The following GRM8 variants were observed in gnomAD, a reference collection of about 807,000 sequenced individuals.
GRM8 encodes the protein glutamate metabotropic receptor 8, also known as metabotropic glutamate receptor 8.
A neutral mutation model predicts 87.2 loss-of-function variants in GRM8; 47 were observed. That is an observed-to-expected ratio of 0.54 (90% CI 0.43 to 0.69). The LOEUF (loss-of-function observed/expected upper bound fraction) is 0.69. Ranked by LOEUF, GRM8 falls within the 30% of genes least tolerant of loss-of-function variation. The pLI, the probability that GRM8 is intolerant of heterozygous loss-of-function variation, is 0.00. For missense variants in GRM8, 1,019 were observed against 1,139.2 expected (o/e 0.89, Z 1.52); for synonymous variants, 396 against 404.5 (o/e 0.98, Z 0.25).
At chr7:126,772,342 T>C (rs754887349) in intron 6 of GRM8, among the ~76,000 whole-genome samples, 1 of 152,158 alleles carries the variant, frequency 6.6e-6, no homozygotes, top group African/African-American at 2.4e-5. Context: ...TGGATATCCC[T>C]GTGTTTCATT....
intron 7 of GRM8, among the ~76,000 whole-genome samples, chr7:126,646,068 G>T (rs180835312): frequency 3.0e-4 from 46 of 152,220 alleles, no homozygotes; most frequent in African/African-American, 1.1e-3. Flanking sequence ...CTGCACTCTG[G>T]TCATCATCCC....
At chr7:126,506,011 C>T (rs1203230277) in intron 9 of GRM8, among the ~76,000 whole-genome samples, 1 of 151,990 alleles carries the variant, frequency 6.6e-6, no homozygotes, top group Non-Finnish European at 1.5e-5. Context: ...CCTCCTAGCC[C>T]CTGTCAACCA....
At chr7:126,676,943 G>GA (rs1212426970) in intron 7 of GRM8, among the ~76,000 whole-genome samples, 2 of 152,122 alleles carry the variant, frequency 1.3e-5, no homozygotes, top group African/African-American at 4.8e-5. Context: ...CAAAATGCGA[G>GA]AAAATATTTG....
chr7:126,492,825 G>T (rs1808186626), intron 9 of GRM8, among the ~76,000 whole-genome samples: 1 of 151,994 alleles, frequency 6.6e-6, no homozygotes, highest in African/African-American at 2.4e-5. Context: ...TGGCAGAGGT[G>T]ATAGACAATC....
chr7:127,065,015 G>A (rs2132624660), intron 3 of GRM8, among the ~76,000 whole-genome samples: 1 of 152,242 alleles, frequency 6.6e-6, no homozygotes, highest in East Asian at 1.9e-4. Context: ...CCATTACTGG[G>A]TATACACCCA....
chr7:126,460,758 T>A (rs1803806714), intron 9 of GRM8, among the ~76,000 whole-genome samples: 1 of 151,536 alleles, frequency 6.6e-6, no homozygotes, highest in Admixed American at 6.6e-5. Context: ...ATGTACAATT[T>A]TCAATGAGAA....
intron 7 of GRM8, among the ~76,000 whole-genome samples, chr7:126,757,431 T>C (rs945841703): frequency 1.3e-5 from 2 of 152,140 alleles, no homozygotes; most frequent in East Asian, 1.9e-4. Flanking sequence ...CACTCTTCTG[T>C]ATGTATTTTA....
intron 9 of GRM8, among the ~76,000 whole-genome samples, chr7:126,480,866 T>G (rs1806587999): frequency 6.6e-6 from 1 of 152,046 alleles, no homozygotes; most frequent in African/African-American, 2.4e-5. Context: ...AGATTTTGAT[T>G]TCTAAATACC....
intron 8 of GRM8, among the ~76,000 whole-genome samples, chr7:126,589,502 C>T (rs1796475692): frequency 6.6e-6 from 1 of 152,128 alleles, no homozygotes; most frequent in East Asian, 1.9e-4. Context: ...TCAGACATGT[C>T]TAACCCTGCC....
chr7:127,086,947 C>T (rs193188142), intron 3 of GRM8, among the ~76,000 whole-genome samples: 11 of 152,336 alleles, frequency 7.2e-5, no homozygotes, highest in Non-Finnish European at 7.3e-5. Context: ...CATATGTTGG[C>T]CCACAGGGAG....
intron 7 of GRM8, among the ~76,000 whole-genome samples, chr7:126,709,658 A>G (rs1178834150): frequency 6.6e-6 from 1 of 152,188 alleles, no homozygotes. Flanking sequence ...TGAACCAGCA[A>G]TCCCACTTTG....
intron 7 of GRM8, among the ~76,000 whole-genome samples, chr7:126,648,525 G>T (rs1803432525): frequency 2.6e-5 from 4 of 152,154 alleles, no homozygotes. Context: ...TTTTCTTTGT[G>T]CAGTGTCTGT....
chr7:126,747,830 C>T (rs1019959854), intron 7 of GRM8, among the ~76,000 whole-genome samples: 1 of 151,860 alleles, frequency 6.6e-6, no homozygotes, highest in African/African-American at 2.4e-5. Context: ...AATTCTTCTC[C>T]ATCGCCTCCT....
In GRM8 at chr7:126,857,262, T is replaced by A. The variant is rs559888108; in HGVS notation, c.1156+45280A>T. Among the ~76,000 whole-genome samples the A allele has an allele frequency of 4.6e-5, 7 of 152,296 alleles. No individual in the cohort carries two copies. The East Asian group carries it at 1.4e-3, about 29-fold the overall frequency. Reference sequence around the variant, plus strand: ...TCTGTCTAAGCTTTATAAAACCTCTTAACCAAATGGTGTTATTGCCTGTGA... The same window carrying A: ...TCTGTCTAAGCTTTATAAAACCTCTAAACCAAATGGTGTTATTGCCTGTGA... On this transcript the variant is annotated intron_variant, in intron 6 of 10. Coordinates refer to ENST00000339582, the MANE Select transcript of GRM8 (RefSeq NM_000845.3).
intron 6 of GRM8, among the ~76,000 whole-genome samples, chr7:126,841,790 C>T (rs774086839): frequency 5.3e-5 from 8 of 151,808 alleles, no homozygotes; most frequent in Non-Finnish European, 1.0e-4. Context: ...CCAAGCCTGG[C>T]TATTTTTTTT....
intron 2 of GRM8, among the ~76,000 whole-genome samples, chr7:127,157,196 G>A (rs1018485317): frequency 2.6e-5 from 3 of 116,440 alleles, no homozygotes; most frequent in Non-Finnish European, 6.1e-5. Flanking sequence ...ACAAGGAAAT[G>A]AGAACAAATA....
At chr7:127,081,649 G>A (rs1822878822) in intron 3 of GRM8, among the ~76,000 whole-genome samples, 2 of 152,298 alleles carry the variant, frequency 1.3e-5, no homozygotes, top group Admixed American at 6.5e-5. Context: ...GGGAAAAAGG[G>A]AGAGCAAATG....
intron 7 of GRM8, among the ~76,000 whole-genome samples, chr7:126,727,704 TACACACACACACAC>T (rs3038844): frequency 4.2e-5 from 6 of 141,880 alleles, no homozygotes; most frequent in East Asian, 2.1e-4. Context: ...TCTGAAATCA[TACACACACACACAC>T]ACACACACAC....
chr7:127,009,925 C>A (rs1164152587), intron 3 of GRM8, among the ~76,000 whole-genome samples: 1 of 152,034 alleles, frequency 6.6e-6, no homozygotes, highest in Non-Finnish European at 1.5e-5. Flanking sequence ...CTCACTGCAA[C>A]CTCTGCTTCC....
Sources: allele counts gnomAD v4.1 joint callset (sites outside exome capture counted in the v4.1 genomes callset), GRCh38; gene constraint gnomAD v4.1.1; transcripts MANE v1.5; gene names NCBI Gene and HGNC (gene_info 2026-07-23, HGNC 2026-07-21).